ATP7A: variants seen among roughly 807,000 people sequenced by gnomAD.
ATP7A encodes the protein ATPase copper transporting alpha.
In ATP7A, 7 loss-of-function variants were observed where a neutral mutation model predicts 83.5. The ratio of observed to expected loss-of-function variants is 0.08; its 90% CI spans 0.05 to 0.16. The LOEUF is 0.16. Ranked by LOEUF, ATP7A falls within the 10% of genes least tolerant of loss-of-function variation. ATP7A has a pLI of 1.00. For missense variants in ATP7A, 940 were observed against 1,120.8 expected, an observed-to-expected ratio of 0.84 and a Z score of 2.30; for synonymous variants, 354 against 395.2, an observed-to-expected ratio of 0.90 and a Z score of 1.24.
At chrX:78,011,356 G>A (rs900121733) in intron 8 of ATP7A, 93 bp from the exon 9 acceptor site, 12 of 1,039,337 alleles carry the variant, frequency 1.2e-5, no homozygotes, top group Non-Finnish European at 1.6e-5. Context: ...TGGATGAAAT[G>A]GTCACAATGT....
intron 18 of ATP7A, 132 bp downstream of exon 18, chrX:78,039,114 A>G: frequency 1.4e-6 from 1 of 705,835 alleles, no homozygotes; most frequent in East Asian, 3.6e-5. Flanking sequence ...AATGTCAACA[A>G]CACATGATTA....
chrX:78,044,911 A>G (rs1328421895), intron 21 of ATP7A, among the ~76,000 whole-genome samples: 3 of 112,324 alleles, frequency 2.7e-5, no homozygotes, highest in African/African-American at 6.5e-5. Context: ...AGAACAAAGA[A>G]CAAAAGAACA....
chrX:77,957,884 A>G (rs1338181869), intron 1 of ATP7A, among the ~76,000 whole-genome samples: 1 of 111,057 alleles, frequency 9.0e-6, no homozygotes, highest in Non-Finnish European at 1.9e-5. Flanking sequence ...CACTTATTGA[A>G]GAGAGCAGTG....
chrX:77,952,012 T>A (rs930577802), intron 1 of ATP7A, among the ~76,000 whole-genome samples: 1 of 112,262 alleles, frequency 8.9e-6, no homozygotes, highest in Non-Finnish European at 1.9e-5. Context: ...TTCCTCCAAG[T>A]TTTTTTATGA....
chrX:78,021,659 T>C (rs1167606841), intron 14 of ATP7A, among the ~76,000 whole-genome samples: 2 of 111,745 alleles, frequency 1.8e-5, no homozygotes, highest in African/African-American at 6.5e-5. Flanking sequence ...AAATTAGATA[T>C]ATAAACTTTA....
At chrX:77,950,604 G>C (rs782235314) in intron 1 of ATP7A, among the ~76,000 whole-genome samples, 9 of 111,464 alleles carry the variant, frequency 8.1e-5, no homozygotes, top group African/African-American at 2.9e-4. Context: ...TTTTAATTTA[G>C]ATTTTAAAAG....
intron 12 of ATP7A, among the ~76,000 whole-genome samples, chrX:78,018,268 G>A (rs1029933524): frequency 2.8e-5 from 3 of 108,171 alleles, no homozygotes; most frequent in Non-Finnish European, 5.8e-5. Context: ...ACTTTGGGAG[G>A]CTGAGGCTGG....
At chrX:77,942,890 A>G (rs1290543468) in intron 1 of ATP7A, among the ~76,000 whole-genome samples, 2 of 111,512 alleles carry the variant, frequency 1.8e-5, no homozygotes, top group African/African-American at 6.5e-5. Context: ...CTGACTGCAA[A>G]CACCACCTCC....
intron 1 of ATP7A, among the ~76,000 whole-genome samples, chrX:77,932,171 T>G (rs1372938646): frequency 1.2e-5 from 1 of 84,900 alleles, no homozygotes; most frequent in African/African-American, 4.6e-5. Flanking sequence ...GGGCGGAGGG[T>G]CTCCTCACTT....
At chrX:77,937,709 T>G (rs1557225151) in intron 1 of ATP7A, among the ~76,000 whole-genome samples, 1 of 111,853 alleles carries the variant, frequency 8.9e-6, no homozygotes, top group Admixed American at 9.6e-5. Flanking sequence ...ATCATTTCAT[T>G]TATCCACTTA....
rs782095034 is a variant in ATP7A at position 78,046,805 on chromosome X, A to G, written c.*235A>G. On this transcript the variant is annotated 3_prime_UTR_variant, in exon 23 of 23. Coordinates refer to ENST00000341514, the MANE Select transcript of ATP7A (RefSeq NM_000052.7). ...ATTTTTGTTTTCACTAACAACAGAT[A>G]AGGTAGAGCAGTGAGGTTTACAACA... 2.5e-6 allele frequency: 1 copy of G among 402,487 alleles called. No homozygotes were observed. The highest frequency in any genetic ancestry group is 4.3e-5 in the South Asian group (1 of 23,475). 33.2% of individuals were successfully genotyped at this position (402,487 alleles called of 1,213,427 possible). A position where few individuals can be genotyped will look rare whatever the true frequency, so the allele number is the denominator to read the frequency against.
chrX:78,006,585 A>C (rs1412758373), intron 6 of ATP7A, among the ~76,000 whole-genome samples: 3 of 112,016 alleles, frequency 2.7e-5, no homozygotes, highest in Non-Finnish European at 5.6e-5. Context: ...TCTGATTTCA[A>C]AACATTTTCA....
At chrX:77,917,287 C>T (rs1557222638) in intron 1 of ATP7A, among the ~76,000 whole-genome samples, 1 of 111,696 alleles carries the variant, frequency 9.0e-6, no homozygotes, top group Non-Finnish European at 1.9e-5. Flanking sequence ...CTTTTGAATG[C>T]TTTGAAGAAC....
At chrX:78,036,619 G>A (rs1335614590) in intron 17 of ATP7A, among the ~76,000 whole-genome samples, 3 of 111,674 alleles carry the variant, frequency 2.7e-5, no homozygotes, top group Non-Finnish European at 3.8e-5. Context: ...GGTGACTCAC[G>A]CCTGTAATCC....
At chrX:78,005,550 G>C (rs782077497) in intron 6 of ATP7A, among the ~76,000 whole-genome samples, 8 of 108,112 alleles carry the variant, frequency 7.4e-5, no homozygotes. Context: ...GGGCGTGGTG[G>C]CACGCGCCTG....
rs1429973331 is a variant in ATP7A, at chrX:77,994,349, AGCCACAGT to A, written c.1337-4125_1337-4118del. The stretch of plus-strand genomic sequence containing the variant: ...CCAAAATGCTAGGATTACAGGTGTG[AGCCACAGT>A]GCCCAGCCAAAAAAGCTAGCATTTT... On this transcript the variant is annotated intron_variant, in intron 4 of 22. Transcript: ENST00000341514. Among the ~76,000 whole-genome samples, 3 of 111,552 alleles carry A rather than the reference AGCCACAGT, an allele frequency of 2.7e-5. No homozygotes were observed. In the East Asian group the frequency reaches 8.4e-4, roughly 31 times the overall value.
In ATP7A at chrX:77,948,611, T is replaced by A. The variant is rs143483400; in HGVS notation, c.-21-23010T>A. On this transcript the variant is annotated intron_variant, in intron 1 of 22. Coordinates refer to ENST00000341514, the MANE Select transcript of ATP7A (RefSeq NM_000052.7). Reference sequence around the variant, plus strand: ...ATAGCAGCAAAACCTAATGGACATATCCATTTATAATAGGACATTGCAGCC... The same window carrying A: ...ATAGCAGCAAAACCTAATGGACATAACCATTTATAATAGGACATTGCAGCC... Among the ~76,000 whole-genome samples, 501 of 111,708 alleles carry A rather than the reference T, an allele frequency of 4.5e-3. 6 individuals carry two copies. Among genetic ancestry groups the A allele is most frequent in the Admixed American group, 0.015 (153 of 10,507 alleles).
chrX:77,932,389 C>T (rs1476273147), intron 1 of ATP7A, among the ~76,000 whole-genome samples: 2 of 107,784 alleles, frequency 1.9e-5, no homozygotes, highest in Admixed American at 9.7e-5. Flanking sequence ...GATGGGATGG[C>T]GGCCGGGCAG....
intron 1 of ATP7A, among the ~76,000 whole-genome samples, chrX:77,935,368 G>A (rs2077314818): frequency 8.9e-6 from 1 of 112,077 alleles, no homozygotes; most frequent in Non-Finnish European, 1.9e-5. Flanking sequence ...TAAAGCTTAA[G>A]GAGACAAGTG....
Sources: gnomAD v4.1 joint callset for allele counts (sites outside exome capture counted in the v4.1 genomes callset) on GRCh38, gnomAD v4.1.1 for gene constraint, MANE v1.5 for transcripts, NCBI Gene and HGNC (gene_info 2026-07-23, HGNC 2026-07-21) for gene names.